RBBP8: variants seen among roughly 807,000 people sequenced by gnomAD.
RBBP8 encodes the protein DNA endonuclease RBBP8.
Under a neutral mutation model 108.3 loss-of-function variants are expected in RBBP8, and 88 were observed. That is an observed-to-expected ratio of 0.81 (90% CI 0.68 to 0.97). The LOEUF is 0.97. Ranked by LOEUF, RBBP8 falls within the 50% of genes least tolerant of loss-of-function variation. RBBP8 has a pLI of 0.00. For missense variants in RBBP8, 1,023 were observed against 1,049.0 expected (o/e 0.98, Z 0.34); for synonymous variants, 332 against 348.2 (o/e 0.95, Z 0.52).
chr18:23,014,422 C>A (rs986338168), intron 16 of RBBP8, among the ~76,000 whole-genome samples: 3 of 152,110 alleles, frequency 2.0e-5, no homozygotes, highest in Non-Finnish European at 4.4e-5. Context: ...ATTCATGAGG[C>A]CAGGACTTCA....
chr18:22,992,773 C>G lies in RBBP8; in HGVS notation c.946C>G (p.Pro316Ala). 1 of 1,594,834 alleles carries G rather than the reference C, an allele frequency of 6.3e-7. No individual in the cohort carries two copies. Among genetic ancestry groups the G allele is most frequent in the Non-Finnish European group, 8.6e-7 (1 of 1,162,760 alleles). ...LRFSDSTSKTPPQEELPTRVS... is the reference protein window; with the variant it reads ...LRFSDSTSKTAPQEELPTRVS... ...ATTTTCAGATTCTACTTCAAAGACTCCTCCTCAAGAAGAATTACCTACTCG... is the reference window on the plus strand; with the variant it reads ...ATTTTCAGATTCTACTTCAAAGACTGCTCCTCAAGAAGAATTACCTACTCG... The change falls in exon 11 of 19, where the codon CCT (proline) becomes GCT (alanine). Residue 316 changes from proline (P) to alanine (A), a missense_variant. Transcript: ENST00000327155.
chr18:22,950,912 A>T (rs553463733), intron 4 of RBBP8, among the ~76,000 whole-genome samples: 7 of 152,222 alleles, frequency 4.6e-5, no homozygotes, highest in Admixed American at 6.5e-5. Context: ...TCTTAAAAAA[A>T]TTTTTTTCTT....
chr18:22,972,783 TTTG>T (rs1380022238), intron 5 of RBBP8, among the ~76,000 whole-genome samples: 1 of 152,220 alleles, frequency 6.6e-6, no homozygotes, highest in Non-Finnish European at 1.5e-5. Context: ...TCTGTATAGT[TTTG>T]GGGTTTTTTA....
chr18:22,997,624 G>C lies in RBBP8; in HGVS notation c.2033G>C (p.Gly678Ala). Residue 678 changes from glycine (G) to alanine (A), a missense_variant, in exon 14 of 19, where the codon GGC becomes GCC. Transcript: ENST00000327155. ...MDVTVIDTKD[G>A]SQSKLGGETV... ...ATTTTTAAAATATTTATTTAGGATGGCAGTCAGTCAAAATTAGGAGGAGAG... is the reference window on the plus strand; with the variant it reads ...ATTTTTAAAATATTTATTTAGGATGCCAGTCAGTCAAAATTAGGAGGAGAG... 1.3e-6 allele frequency: 2 copies of C among 1,579,672 alleles called. No homozygotes were observed. The highest frequency in any genetic ancestry group is 1.7e-6 in the Non-Finnish European group (2 of 1,153,058).
At chr18:22,980,212 C>G (rs1159070251) in intron 6 of RBBP8, among the ~76,000 whole-genome samples, 1 of 152,012 alleles carries the variant, frequency 6.6e-6, no homozygotes, top group Non-Finnish European at 1.5e-5. Context: ...GACCACTGCA[C>G]TCCAGCCTGG....
chr18:23,018,729 T>C (rs1193837777), intron 17 of RBBP8, among the ~76,000 whole-genome samples: 1 of 152,210 alleles, frequency 6.6e-6, no homozygotes, highest in African/African-American at 2.4e-5. Context: ...ATATTTTTGA[T>C]CCACGGCTGG....
At chr18:22,932,295 T>C (rs1408271157), upstream of RBBP8, among the ~76,000 whole-genome samples, 1 of 152,230 alleles carries the variant, frequency 6.6e-6, no homozygotes, top group Admixed American at 6.5e-5. Context: ...ACATAAAAGC[T>C]TCACTCTGTC....
intron 3 of RBBP8, among the ~76,000 whole-genome samples, chr18:22,925,173 A>C (rs1271624795): frequency 2.6e-5 from 4 of 152,164 alleles, no homozygotes; most frequent in Non-Finnish European, 4.4e-5. Flanking sequence ...CTTGGCCGGA[A>C]GCCTATCTAT....
intron 5 of RBBP8, among the ~76,000 whole-genome samples, chr18:22,970,820 A>G (rs1224218159): frequency 6.6e-6 from 1 of 152,128 alleles, no homozygotes; most frequent in Non-Finnish European, 1.5e-5. Context: ...TATATTTTCT[A>G]CTTTGCCATT....
chr18:22,982,264 G>A lies in RBBP8; in HGVS notation c.475G>A (p.Val159Ile), dbSNP rs773918065. The A allele has an allele frequency of 2.6e-5, 42 of 1,614,006 alleles. No homozygotes were observed. Among genetic ancestry groups the A allele is most frequent in the Middle Eastern group, 1.6e-4 (1 of 6,084 alleles). Residue 159 changes from valine to isoleucine, a missense_variant, in exon 7 of 19, where the codon GTT (valine) becomes ATT (isoleucine). Physicochemically the swap from Val to Ile is conservative, Grantham distance 29 (BLOSUM62 3). Coordinates refer to ENST00000327155, the MANE Select transcript of RBBP8 (RefSeq NM_002894.3). ...AGCTGAGCTTGAATGTGAGGAAGAC[G>A]TTATTCCAGATTCACCGATAACAGC... Reference protein sequence around the residue: ...QAAELECEEDVIPDSPITAFS... With the variant: ...QAAELECEEDIIPDSPITAFS...
chr18:22,948,393 AT>A (rs1267539308), intron 3 of RBBP8, among the ~76,000 whole-genome samples: 1 of 151,956 alleles, frequency 6.6e-6, no homozygotes, highest in South Asian at 2.1e-4. Context: ...TTATTTATTT[AT>A]TTTTGTTAAA....
chr18:23,025,207 A>G (rs1259760751), intron 18 of RBBP8, among the ~76,000 whole-genome samples: 1 of 152,058 alleles, frequency 6.6e-6, no homozygotes, highest in Non-Finnish European at 1.5e-5. Flanking sequence ...GTGAGCCGTT[A>G]TTGCACCACT....
At chr18:22,997,528 T>C (rs1246270456) in intron 13 of RBBP8, 92 bp from the exon 14 acceptor site, 3 of 797,284 alleles carry the variant, frequency 3.8e-6, no homozygotes, top group Admixed American at 2.1e-5. Flanking sequence ...ATGTATGTTA[T>C]GTATATTTTA....
chr18:22,995,618 AT>A (rs2045842428), intron 12 of RBBP8, among the ~76,000 whole-genome samples: 1 of 152,088 alleles, frequency 6.6e-6, no homozygotes, highest in African/African-American at 2.4e-5. Context: ...CTCTTTGTAG[AT>A]TTGCCTATTC....
Position 22,993,417 on chromosome 18 carries a change from G to A in RBBP8, c.1590G>A (p.Lys530=). The A allele has an allele frequency of 5.0e-6, 8 of 1,614,182 alleles. No individual in the cohort carries two copies. The highest frequency in any genetic ancestry group is 6.8e-6 in the Non-Finnish European group (8 of 1,180,030). The part of the protein sequence containing the change: ...TLYEALKTIP[K]GFSSSRKASD... ...ATGAGGCTTTGAAGACCATTCCAAAGGGCTTTTCCTCAAGCCGTAAGGCCT... is the reference window on the plus strand; with the variant it reads ...ATGAGGCTTTGAAGACCATTCCAAAAGGCTTTTCCTCAAGCCGTAAGGCCT... Residue 530 remains lysine (K), a synonymous_variant, in exon 11 of 19, where the codon AAG becomes AAA. Transcript: ENST00000327155.
intron 15 of RBBP8, among the ~76,000 whole-genome samples, chr18:23,006,004 G>A (rs2046037797): frequency 6.6e-6 from 1 of 151,852 alleles, no homozygotes. Flanking sequence ...GGCTAACATG[G>A]TGAAACCCTG....
At chr18:23,015,919 G>C (rs2144816314) in intron 16 of RBBP8, among the ~76,000 whole-genome samples, 1 of 151,774 alleles carries the variant, frequency 6.6e-6, no homozygotes, top group East Asian at 1.9e-4. Context: ...TTGTTTTTTT[G>C]CTTTTTTTCT....
At chr18:22,974,919 T>TA (rs1443762411) in intron 5 of RBBP8, among the ~76,000 whole-genome samples, 1 of 152,202 alleles carries the variant, frequency 6.6e-6, no homozygotes. Context: ...CTGCAAGCAT[T>TA]ACATAAAATT....
intron 6 of RBBP8, among the ~76,000 whole-genome samples, chr18:22,978,095 T>A (rs189957133): frequency 6.6e-6 from 1 of 152,350 alleles, no homozygotes; most frequent in Non-Finnish European, 1.5e-5. Context: ...TCGTTAAGTT[T>A]AAATTATGTT....
Sources: allele counts gnomAD v4.1 joint callset (sites outside exome capture counted in the v4.1 genomes callset), GRCh38; gene constraint gnomAD v4.1.1; transcripts MANE v1.5; gene names NCBI Gene and HGNC (gene_info 2026-07-23, HGNC 2026-07-21).